TIAM1: variants seen among roughly 807,000 people sequenced by gnomAD.
The protein encoded by TIAM1 is rho guanine nucleotide exchange factor TIAM1.
A neutral mutation model predicts 163.5 loss-of-function variants in TIAM1; 65 were observed. The ratio of observed to expected loss-of-function variants is 0.40; its 90% CI spans 0.33 to 0.49. The LOEUF (loss-of-function observed/expected upper bound fraction) is 0.49, where lower values mean the gene tolerates loss of function less well. Among genes scored for constraint, TIAM1 ranks in the 20% least tolerant of loss-of-function variants. TIAM1 has a pLI of 0.77. For synonymous variants in TIAM1, 833 were observed against 810.1 expected (o/e 1.03, Z -0.48); for missense variants, 1,789 against 2,044.7 (o/e 0.87, Z 2.41).
intron 2 of TIAM1, among the ~76,000 whole-genome samples, chr21:31,431,908 C>A (rs1217523479): frequency 6.6e-6 from 1 of 152,134 alleles, no homozygotes; most frequent in Non-Finnish European, 1.5e-5. Context: ...CGAAATGCAA[C>A]ATGCACTGCA....
intron 15 of TIAM1, among the ~76,000 whole-genome samples, chr21:31,177,123 G>A (rs905255737): frequency 1.3e-5 from 2 of 152,112 alleles, no homozygotes; most frequent in African/African-American, 4.8e-5. Context: ...ATGGCTTCAG[G>A]TACAAAACAT....
Position 31,335,602 on chromosome 21 carries a change from G to A in TIAM1, c.-189+3641C>T, listed in dbSNP as rs960198635. On this transcript the variant is annotated intron_variant, in intron 2 of 27. Transcript: ENST00000541036. The stretch of plus-strand genomic sequence containing the variant: ...CACCTGTAATCCCAGCTACTTGGGA[G>A]GCTGAGGTGGGAGAATTGCTTGAAC... Among the ~76,000 whole-genome samples the A allele has an allele frequency of 2.0e-5, 3 of 152,128 alleles. No homozygotes were observed. In the South Asian group the frequency reaches 6.2e-4, roughly 32 times the overall value.
In TIAM1 at chr21:31,245,627, C is replaced by T. The variant is rs913987204; in HGVS notation, c.1445G>A (p.Arg482Lys). 2.5e-6 allele frequency: 4 copies of T among 1,589,236 alleles called. No individual in the cohort carries two copies. The highest frequency in any genetic ancestry group is 3.4e-6 in the Non-Finnish European group (4 of 1,167,814). The change falls in exon 6 of 28, where the codon AGG (arginine) becomes AAG (lysine). Residue 482 changes from arginine (R) to lysine (K), a missense_variant. By Grantham distance (26) the Arg-to-Lys change is conservative (BLOSUM62 2). Around this residue, in one of 5 missense-constraint regions of TIAM1, gnomAD observed 456 missense variants for 586.6 expected, o/e 0.78. Transcript: ENST00000541036. ...GATGCTGTTGTGGTCTATCCCAGACCTGCCGTCGCTCTCGTAGAAAAATAG... is the reference window on the plus strand; with the variant it reads ...GATGCTGTTGTGGTCTATCCCAGACTTGCCGTCGCTCTCGTAGAAAAATAG... The part of the protein sequence containing the change: ...CTLFFYESDG[R>K]SGIDHNSIPK...
At chr21:31,531,909 G>A (rs900178464) in intron 1 of TIAM1, among the ~76,000 whole-genome samples, 1 of 152,116 alleles carries the variant, frequency 6.6e-6, no homozygotes, top group Non-Finnish European at 1.5e-5. Flanking sequence ...TCGAGTCCAG[G>A]AGTTTGAGAC....
intron 6 of TIAM1, 61 bp from the exon 7 acceptor site, chr21:31,226,011 A>T: frequency 1.4e-6 from 2 of 1,467,106 alleles, no homozygotes; most frequent in Non-Finnish European, 1.9e-6. Flanking sequence ...AGAGAAATGA[A>T]CCGGAGCATT....
intron 2 of TIAM1, among the ~76,000 whole-genome samples, chr21:31,430,223 A>T (rs866652483): frequency 0.063 from 6,202 of 97,672 alleles, 144 homozygotes; most frequent in Non-Finnish European, 0.076. Flanking sequence ...AAAAAAAAAA[A>T]AAATATATAT....
intron 2 of TIAM1, among the ~76,000 whole-genome samples, chr21:31,436,776 G>A (rs961388777): frequency 1.3e-5 from 2 of 152,038 alleles, no homozygotes; most frequent in Non-Finnish European, 2.9e-5. Flanking sequence ...TAGCCAACAT[G>A]GTGAAACCCC....
intron 2 of TIAM1, among the ~76,000 whole-genome samples, chr21:31,353,833 A>ATTTTTTTTTTTTTTTTTT (rs2076272701): frequency 2.6e-5 from 1 of 38,056 alleles, no homozygotes; most frequent in Admixed American, 4.4e-4. Flanking sequence ...TTATTTATTT[A>ATTTTTTTTTTTTTTTTTT]TCTTTTTTTT....
At chr21:31,286,855 G>A (rs867288556) in intron 2 of TIAM1, among the ~76,000 whole-genome samples, 11 of 152,226 alleles carry the variant, frequency 7.2e-5, no homozygotes, top group East Asian at 3.9e-4. Flanking sequence ...ACAGAGTGAC[G>A]TAACCATGGT....
intron 1 of TIAM1, among the ~76,000 whole-genome samples, chr21:31,554,955 G>T (rs971551155): frequency 6.6e-6 from 1 of 152,150 alleles, no homozygotes; most frequent in Non-Finnish European, 1.5e-5. Flanking sequence ...CACAGGAACA[G>T]GGAAGGTCTT....
In TIAM1 at chr21:31,320,989, C is replaced by CAA. The variant is rs113119269; in HGVS notation, c.-189+18252_-189+18253dup. Among the ~76,000 whole-genome samples the CAA allele has an allele frequency of 1.5e-3, 206 of 137,582 alleles. 1 individual carries two copies. In the Middle Eastern group the frequency reaches 0.019, roughly 13 times the overall value. The allele number at this position is 137,582 out of a possible 152,430, so 90.3% of individuals were successfully genotyped here. A position where few individuals can be genotyped will look rare whatever the true frequency, so the allele number is the denominator to read the frequency against. On this transcript the variant is annotated intron_variant, in intron 2 of 27. Transcript: ENST00000541036. Reference sequence around the variant, plus strand: ...CCTGGGTGACAGAGTGACTCTGTCTCAAAAAAAAAAAAGAGATCTGGGTAC... The same window carrying CAA: ...CCTGGGTGACAGAGTGACTCTGTCTCAAAAAAAAAAAAAAGAGATCTGGGTAC...
chr21:31,386,028 A>C (rs1004480273), intron 2 of TIAM1, among the ~76,000 whole-genome samples: 1 of 151,632 alleles, frequency 6.6e-6, no homozygotes, highest in African/African-American at 2.4e-5. Flanking sequence ...GAAATGAACC[A>C]AAATTAAACT....
Position 31,305,308 on chromosome 21 carries a change from G to A in TIAM1, c.-188-28400C>T, listed in dbSNP as rs148551194. Among the ~76,000 whole-genome samples, 156 of 151,804 alleles carry A rather than the reference G, an allele frequency of 1.0e-3. 1 individual carries two copies. The highest frequency in any genetic ancestry group is 0.01 in the Middle Eastern group (3 of 294). On this transcript the variant is annotated intron_variant, in intron 2 of 27. Coordinates refer to ENST00000541036, the MANE Select transcript of TIAM1 (RefSeq NM_001353694.2). ...ACCATATAGAAAATTAGATGATACC[G>A]AATAAGCGATTGGTTCTACAACTGG...
intron 1 of TIAM1, among the ~76,000 whole-genome samples, chr21:31,468,552 G>A (rs547664098): frequency 1.9e-4 from 29 of 151,864 alleles, no homozygotes; most frequent in African/African-American, 2.9e-4. Context: ...CAAAGCGGGC[G>A]GATCACGAGG....
intron 1 of TIAM1, among the ~76,000 whole-genome samples, chr21:31,529,027 T>C (rs997988109): frequency 4.0e-5 from 6 of 150,536 alleles, no homozygotes; most frequent in Non-Finnish European, 5.9e-5. Flanking sequence ...GTTCACGCCA[T>C]TCTCCCACCT....
intron 1 of TIAM1, among the ~76,000 whole-genome samples, chr21:31,477,028 G>T (rs1210254729): frequency 6.6e-6 from 1 of 152,158 alleles, no homozygotes. Context: ...AGGGATGCCT[G>T]ACTTCCTTAG....
intron 2 of TIAM1, among the ~76,000 whole-genome samples, chr21:31,329,353 G>A (rs75103507): frequency 0.03 from 4,562 of 152,286 alleles, 207 homozygotes; most frequent in African/African-American, 0.099. Flanking sequence ...CGCTGAGGTC[G>A]GCTCCCAGAA....
chr21:31,252,651 C>G (rs1407022926), intron 4 of TIAM1, among the ~76,000 whole-genome samples: 1 of 152,080 alleles, frequency 6.6e-6, no homozygotes, highest in Admixed American at 6.6e-5. Context: ...GTCTTTATAG[C>G]TGATATCTTT....
At chr21:31,437,975 A>G (rs1163207699) in intron 2 of TIAM1, among the ~76,000 whole-genome samples, 1 of 152,148 alleles carries the variant, frequency 6.6e-6, no homozygotes, top group African/African-American at 2.4e-5. Flanking sequence ...CACCTCTGGT[A>G]GTTGAACATT....
Sources: gnomAD v4.1 joint callset for allele counts (sites outside exome capture counted in the v4.1 genomes callset) on GRCh38, gnomAD v4.1.1 for gene constraint, gnomAD v4.1.1 regional missense constraint, MANE v1.5 for transcripts, NCBI Gene and HGNC (gene_info 2026-07-23, HGNC 2026-07-21) for gene names.